Variants in ROCK1 observed in about 807,000 individuals in gnomAD.
The protein encoded by ROCK1 is rho-associated protein kinase 1.
ROCK1 carries 36 observed loss-of-function variants against 196.8 expected under a neutral mutation model. The observed-to-expected ratio is 0.18, with a 90% CI of 0.14 to 0.24. The LOEUF is 0.24. Ranked by LOEUF, ROCK1 falls within the 10% of genes least tolerant of loss-of-function variation. ROCK1 has a pLI of 1.00. For synonymous variants in ROCK1, 443 were observed against 515.9 expected (o/e 0.86, Z 1.91); for missense variants, 920 against 1,562.0 (o/e 0.59, Z 6.93).
At chr18:21,031,211 A>G (rs1259163338) in intron 9 of ROCK1, among the ~76,000 whole-genome samples, 1 of 152,240 alleles carries the variant, frequency 6.6e-6, no homozygotes, top group Non-Finnish European at 1.5e-5. Context: ...CCCTCTTAGA[A>G]GGATACAGCT....
At chr18:21,038,996 G>A (rs1214002537) in intron 9 of ROCK1, among the ~76,000 whole-genome samples, 2 of 151,952 alleles carry the variant, frequency 1.3e-5, no homozygotes, top group Non-Finnish European at 2.9e-5. Context: ...AAAGCCTGAT[G>A]GAATCAAGTA....
chr18:20,990,003 G>C (rs1339089004), intron 18 of ROCK1, among the ~76,000 whole-genome samples: 2 of 152,110 alleles, frequency 1.3e-5, no homozygotes, highest in African/African-American at 4.8e-5. Flanking sequence ...AGCACTTTGG[G>C]AGGCCGAGGT....
At chr18:21,041,969 A>C (rs545802919) in intron 8 of ROCK1, 128 bp downstream of exon 8, 1 of 813,562 alleles carries the variant, frequency 1.2e-6, no homozygotes, top group Non-Finnish European at 1.9e-6. Context: ...TCATAAAATT[A>C]CATCAGGTTT....
intron 29 of ROCK1, chr18:20,955,510 T>C: frequency 3.3e-6 from 1 of 305,112 alleles, no homozygotes; most frequent in Non-Finnish European, 6.0e-6. Context: ...AACATAAAAT[T>C]ACACAGCCAC....
chr18:21,053,481 A>T (rs554978172), intron 2 of ROCK1, among the ~76,000 whole-genome samples: 54 of 152,284 alleles, frequency 3.5e-4, no homozygotes, highest in African/African-American at 1.0e-3. Flanking sequence ...TGCATAATTT[A>T]AAAAAATGCT....
At chr18:21,070,755 A>C (rs1047203398) in intron 1 of ROCK1, 142 bp from the exon 2 acceptor site, 4 of 508,496 alleles carry the variant, frequency 7.9e-6, no homozygotes, top group Non-Finnish European at 1.4e-5. Context: ...ACAAGGTTAG[A>C]TGAGTACTGG....
intron 9 of ROCK1, among the ~76,000 whole-genome samples, chr18:21,034,751 C>T (rs1300489493): frequency 6.6e-6 from 1 of 152,058 alleles, no homozygotes; most frequent in African/African-American, 2.4e-5. Flanking sequence ...TTCTTAAATA[C>T]GAAGCCAAAG....
intron 22 of ROCK1, among the ~76,000 whole-genome samples, chr18:20,975,416 G>C (rs987353074): frequency 2.6e-5 from 4 of 152,108 alleles, no homozygotes; most frequent in African/African-American, 7.2e-5. Flanking sequence ...TAATCAGGCT[G>C]TTAGATATAC....
chr18:20,995,175 A>G lies in ROCK1; in HGVS notation c.1886-2238T>C, dbSNP rs553142772. Among the ~76,000 whole-genome samples, 31 of 152,366 alleles carry G rather than the reference A, an allele frequency of 2.0e-4. 1 individual carries two copies. The South Asian group carries it at 6.4e-3, about 32-fold the overall frequency. ...AAAATAGCTAGAAGAGATGATTTTGAATGTTCTCACCATAGAGAAATGACA... is the reference window on the plus strand; with the variant it reads ...AAAATAGCTAGAAGAGATGATTTTGGATGTTCTCACCATAGAGAAATGACA... On this transcript the variant is annotated intron_variant, in intron 16 of 32. Transcript: ENST00000399799.
At chr18:21,090,711 G>T (rs1447565736) in intron 1 of ROCK1, among the ~76,000 whole-genome samples, 1 of 152,126 alleles carries the variant, frequency 6.6e-6, no homozygotes, top group African/African-American at 2.4e-5. Flanking sequence ...ATAAGCAAAA[G>T]ATATTTTCCA....
intron 2 of ROCK1, among the ~76,000 whole-genome samples, chr18:21,052,126 T>C (rs1298703560): frequency 3.3e-5 from 5 of 152,198 alleles, no homozygotes; most frequent in Admixed American, 6.5e-5. Flanking sequence ...GACAAGTCAT[T>C]TGAAATCTAA....
intron 24 of ROCK1, 83 bp from the exon 25 acceptor site, chr18:20,968,943 A>C (rs2035400229): frequency 9.9e-7 from 1 of 1,006,054 alleles, no homozygotes; most frequent in African/African-American, 1.6e-5. Flanking sequence ...TTAATTATTC[A>C]AATAAGTATA....
chr18:21,018,288 G>A (rs747147677), intron 12 of ROCK1, among the ~76,000 whole-genome samples: 13 of 151,982 alleles, frequency 8.6e-5, no homozygotes, highest in Admixed American at 1.3e-4. Context: ...CCAACACTTC[G>A]GGAGGCTGAG....
chr18:21,109,247 G>T (rs965175519), intron 1 of ROCK1, among the ~76,000 whole-genome samples: 3 of 152,050 alleles, frequency 2.0e-5, no homozygotes, highest in Admixed American at 2.0e-4. Flanking sequence ...GGACTCTCAG[G>T]GAAAGAGTCA....
In ROCK1 at chr18:21,106,142, C is replaced by T. The variant is rs532249022; in HGVS notation, c.93+4676G>A. On this transcript the variant is annotated intron_variant, in intron 1 of 32. Transcript: ENST00000399799. The stretch of plus-strand genomic sequence containing the variant: ...GGTTCCCTTCTGTCTCCTCCGCTCA[C>T]CCGTTGCTACACCTCCACCAGCCAG... Among the ~76,000 whole-genome samples, 17 of 152,280 alleles carry T rather than the reference C, an allele frequency of 1.1e-4. No individual in the cohort carries two copies. The South Asian group carries it at 3.5e-3, about 32-fold the overall frequency.
rs1272647234 is a variant in ROCK1 at position 21,043,981 on chromosome 18, G to A, written c.675+121C>T. On this transcript the variant is annotated intron_variant, in intron 6 of 32. Coordinates refer to ENST00000399799, the MANE Select transcript of ROCK1 (RefSeq NM_005406.3). ...CAACAAATAAGGTCATATTAATTCT[G>A]GACAAGTCCAGCTATGGTTAGTAAA... 1.3e-5 allele frequency: 8 copies of A among 610,784 alleles called. No individual in the cohort carries two copies. The East Asian group carries it at 1.6e-4, about 13-fold the overall frequency. 37.8% of individuals were successfully genotyped at this position (610,784 alleles called of 1,614,324 possible).
At chr18:20,959,138 ATT>A (rs1303393099) in intron 29 of ROCK1, among the ~76,000 whole-genome samples, 1 of 62,850 alleles carries the variant, frequency 1.6e-5, no homozygotes, top group Non-Finnish European at 2.6e-5. Flanking sequence ...TATTATATAT[ATT>A]ATATAAAATA....
At chr18:21,001,553 G>A (rs2035724277) in intron 16 of ROCK1, among the ~76,000 whole-genome samples, 1 of 151,958 alleles carries the variant, frequency 6.6e-6, no homozygotes. Flanking sequence ...AGATCACGAG[G>A]TCAAGAGATC....
intron 9 of ROCK1, among the ~76,000 whole-genome samples, chr18:21,037,506 T>C (rs2036067700): frequency 6.6e-6 from 1 of 152,108 alleles, no homozygotes; most frequent in Non-Finnish European, 1.5e-5. Context: ...CTTGGTATTT[T>C]AGGGGTGGGA....
Sources: gnomAD v4.1 joint callset for allele counts (sites outside exome capture counted in the v4.1 genomes callset) on GRCh38, gnomAD v4.1.1 for gene constraint, MANE v1.5 for transcripts, NCBI Gene and HGNC (gene_info 2026-07-23, HGNC 2026-07-21) for gene names.